The following TRPV3 variants were observed in gnomAD, a reference collection of about 807,000 sequenced individuals.
TRPV3 encodes transient receptor potential cation channel subfamily V member 3.
Under a neutral mutation model 87.1 loss-of-function variants are expected in TRPV3, and 88 were observed. The observed-to-expected ratio is 1.01, with a 90% confidence interval of 0.85 to 1.21. The LOEUF (loss-of-function observed/expected upper bound fraction) is 1.21. Ranked by LOEUF, TRPV3 falls within the 50% of genes most tolerant of loss-of-function variation. The probability of loss-of-function intolerance (pLI) is 0.00; values close to 1 mark genes in which losing one functional copy is unlikely to be tolerated. For missense variants in TRPV3, 1,054 were observed against 1,030.1 expected (o/e 1.02, Z -0.32); for synonymous variants, 438 against 423.3 (o/e 1.03, Z -0.43).
rs144341370 is a variant in TRPV3, at chr17:3,548,198, A to T, written c.120-2927T>A. Among the ~76,000 whole-genome samples the T allele has an allele frequency of 6.6e-5, 10 of 152,222 alleles. No individual in the cohort carries two copies. The East Asian group carries it at 1.4e-3, about 21-fold the overall frequency. Reference sequence around the variant, plus strand: ...GGACCAACATGCCCCTTCCTTCCTCACAAGACTACAGAAGAGCTCCCAAAG... The same window carrying T: ...GGACCAACATGCCCCTTCCTTCCTCTCAAGACTACAGAAGAGCTCCCAAAG... On this transcript the variant is annotated intron_variant, in intron 2 of 17. Coordinates refer to ENST00000576742, the MANE Select transcript of TRPV3 (RefSeq NM_145068.4).
intron 2 of TRPV3, among the ~76,000 whole-genome samples, 175 bp from the exon 3 acceptor site, chr17:3,545,446 T>C (rs1433510877): frequency 6.6e-6 from 1 of 152,156 alleles, no homozygotes; most frequent in Non-Finnish European, 1.5e-5. Context: ...ACACTGTCAT[T>C]ATCACCTACG....
At position 3,554,743 on chromosome 17, in the gene TRPV3, G is replaced by A. The variant is rs1181038658; in HGVS notation, c.108C>T (p.Pro36=). The change falls in exon 2 of 18, where the codon CCC becomes CCT. Residue 36 remains proline, a synonymous_variant. Coordinates refer to ENST00000576742, the MANE Select transcript of TRPV3 (RefSeq NM_145068.4). The part of the protein sequence containing the change: ...LPEKRPAEIT[P]TKKSAHFFLE... Reference sequence around the variant, plus strand: ...CTCTCCAAACCCACCTCTTCTTTGTGGGGGTGATCTCCGCCGGCCTCTTCT... The same window carrying A: ...CTCTCCAAACCCACCTCTTCTTTGTAGGGGTGATCTCCGCCGGCCTCTTCT... The A allele has an allele frequency of 2.5e-6, 4 of 1,609,608 alleles. No homozygotes were observed. The highest frequency in any genetic ancestry group is 1.3e-5 in the African/African-American group (1 of 74,842).
chr17:3,526,574 G>T (rs1167550264), intron 12 of TRPV3, among the ~76,000 whole-genome samples: 1 of 152,064 alleles, frequency 6.6e-6, no homozygotes, highest in Non-Finnish European at 1.5e-5. Flanking sequence ...TCTGTGATGG[G>T]TAGAGTTGGC....
intron 6 of TRPV3, among the ~76,000 whole-genome samples, chr17:3,537,523 G>A (rs187624557): frequency 2.7e-4 from 41 of 152,198 alleles, no homozygotes; most frequent in Non-Finnish European, 3.7e-4. Flanking sequence ...CCCCTACCTC[G>A]GAGATTTCTG....
Position 3,524,281 on chromosome 17 carries a change from C to T in TRPV3, c.1660G>A (p.Ala554Thr). The T allele has an allele frequency of 6.2e-7, 1 of 1,614,238 alleles. No individual in the cohort carries two copies. Among genetic ancestry groups the T allele is most frequent in the Non-Finnish European group, 8.5e-7 (1 of 1,180,032 alleles). The change falls in exon 13 of 18, where the codon GCC becomes ACC. Residue 554 changes from alanine to threonine, a missense_variant. By Grantham distance (58) the Ala-to-Thr change is moderately conservative (BLOSUM62 0). Coordinates refer to ENST00000576742, the MANE Select transcript of TRPV3 (RefSeq NM_145068.4). ...YKEYLACLVL[A>T]MALGWANMLY... ...ATGTTCGCCCAGCCCAGGGCCATGG[C>T]CAGCACGAGGCAGGCGAGGTACTCT...
rs1286865360 is a variant in TRPV3, at chr17:3,544,616, C to A, written c.274G>T (p.Asp92Tyr). ...GGATTGGATGGGGTCTCTGTCACAT[C>A]ATCCTGAGGAGACTGGGGGGAGTCC... is the stretch of plus-strand genomic sequence containing the variant. The part of the protein sequence containing the change: ...DMDSPQSPQD[D>Y]VTETPSNPNS... Residue 92 changes from aspartate (D) to tyrosine (Y), a missense_variant, in exon 4 of 18, where the codon GAT becomes TAT. Coordinates refer to ENST00000576742, the MANE Select transcript of TRPV3 (RefSeq NM_145068.4). The A allele has an allele frequency of 1.9e-6, 3 of 1,608,598 alleles. No homozygotes were observed. Among genetic ancestry groups the A allele is most frequent in the Non-Finnish European group, 2.5e-6 (3 of 1,178,776 alleles).
At chr17:3,519,889 A>ATGGATGG (rs2074229034) in intron 14 of TRPV3, among the ~76,000 whole-genome samples, 8 of 34,406 alleles carry the variant, frequency 2.3e-4, no homozygotes, top group East Asian at 1.5e-3. Context: ...TGGATGGATG[A>ATGGATGG]TTGGATGGAT....
Position 3,528,723 on chromosome 17 carries a change from C to G in TRPV3, c.1401+114G>C. 1.6e-6 allele frequency: 2 copies of G among 1,287,340 alleles called. No individual in the cohort carries two copies. The highest frequency in any genetic ancestry group is 2.1e-6 in the Non-Finnish European group (2 of 935,886). The allele number at this position is 1,287,340 out of a possible 1,614,324, so 79.7% of individuals were successfully genotyped here. On this transcript the variant is annotated intron_variant, in intron 10 of 17. Coordinates refer to ENST00000576742, the MANE Select transcript of TRPV3 (RefSeq NM_145068.4). This position sits in a 1 kb window ranked among gnomAD's most constrained non-coding sequence, Gnocchi z 4.2. ...GAAGCGTGAAGGACAACTGGGGGACCCCGCCCAATCTCCTGGTCTCTCTGG... is the reference window on the plus strand; with the variant it reads ...GAAGCGTGAAGGACAACTGGGGGACGCCGCCCAATCTCCTGGTCTCTCTGG...
Position 3,513,790 on chromosome 17 carries a change from G to T in TRPV3, c.*127C>A. 4.0e-6 allele frequency: 3 copies of T among 753,362 alleles called. No homozygotes were observed. The highest frequency in any genetic ancestry group is 2.5e-5 in the East Asian group (1 of 39,980). The allele number at this position is 753,362 out of a possible 1,614,324, so 46.7% of individuals were successfully genotyped here. ...GACACCCACTGAGCACTGAGCACGA[G>T]GGTGCACTCTGCTTCTAGGCCAGCA... On this transcript the variant is annotated 3_prime_UTR_variant, in exon 18 of 18. Coordinates refer to ENST00000576742, the MANE Select transcript of TRPV3 (RefSeq NM_145068.4).
At chr17:3,517,946 G>A (rs1211714466) in intron 15 of TRPV3, among the ~76,000 whole-genome samples, 1 of 151,616 alleles carries the variant, frequency 6.6e-6, no homozygotes, top group Non-Finnish European at 1.5e-5. Flanking sequence ...AGCCTCCCAA[G>A]TAGCTGGGAT....
At chr17:3,535,496 T>A in intron 7 of TRPV3, 77 bp downstream of exon 7, 2 of 1,114,576 alleles carry the variant, frequency 1.8e-6, no homozygotes, top group Non-Finnish European at 2.3e-6. Context: ...TCTTCCCTCC[T>A]TCCCCTTCCC....
intron 8 of TRPV3, among the ~76,000 whole-genome samples, chr17:3,531,241 C>A (rs2074346989): frequency 6.6e-6 from 1 of 152,140 alleles, no homozygotes; most frequent in African/African-American, 2.4e-5. Context: ...AAGCTGAGCC[C>A]TGGGTTACCC....
intron 14 of TRPV3, among the ~76,000 whole-genome samples, chr17:3,519,353 TGGATATGGAGGGATGG>T (rs1218108074): frequency 8.8e-4 from 132 of 150,616 alleles, no homozygotes; most frequent in South Asian, 2.1e-3. Flanking sequence ...GATGGATGGA[TGGATATGGAGGGATGG>T]ATGGAGGGAT....
rs1411580879 is a variant in TRPV3, at chr17:3,554,738, T to C, written c.113A>G (p.Lys38Arg). The change falls in exon 2 of 18, where the codon AAG becomes AGG. Residue 38 changes from lysine (K) to arginine (R), a missense_variant. By Grantham distance (26) the Lys-to-Arg change is conservative. Transcript: ENST00000576742. ...CCGAGCTCTCCAAACCCACCTCTTC[T>C]TTGTGGGGGTGATCTCCGCCGGCCT... The part of the protein sequence containing the change: ...EKRPAEITPT[K>R]KSAHFFLEIE... The C allele has an allele frequency of 1.9e-6, 3 of 1,607,690 alleles. No individual in the cohort carries two copies. Among genetic ancestry groups the C allele is most frequent in the Non-Finnish European group, 2.6e-6 (3 of 1,175,780 alleles).
Position 3,531,000 on chromosome 17 carries a change from G to A in TRPV3, c.1066-797C>T, listed in dbSNP as rs2074344518. Among the ~76,000 whole-genome samples, 1 of 151,564 alleles carries A rather than the reference G, an allele frequency of 6.6e-6. No individual in the cohort carries two copies. The highest frequency in any genetic ancestry group is 6.6e-5 in the Admixed American group (1 of 15,198). Reference sequence around the variant, plus strand: ...GAACCTGGGAGGTGGAGGTTGCCGTGAGCCATGATTGCGCCACTGCACTCC... The same window carrying A: ...GAACCTGGGAGGTGGAGGTTGCCGTAAGCCATGATTGCGCCACTGCACTCC... On this transcript the variant is annotated intron_variant, in intron 8 of 17. Coordinates refer to ENST00000576742, the MANE Select transcript of TRPV3 (RefSeq NM_145068.4). The surrounding 1 kb of genome is among the most constrained non-coding windows in gnomAD (Gnocchi z 4.0).
At chr17:3,546,408 C>T (rs539365724) in intron 2 of TRPV3, among the ~76,000 whole-genome samples, 2 of 151,258 alleles carry the variant, frequency 1.3e-5, no homozygotes, top group East Asian at 3.9e-4. Flanking sequence ...TGCCACTGCA[C>T]TCCAGTCTGG....
chr17:3,526,582 G>C (rs993150302), intron 12 of TRPV3, among the ~76,000 whole-genome samples: 1 of 152,004 alleles, frequency 6.6e-6, no homozygotes, highest in African/African-American at 2.4e-5. Flanking sequence ...GGGTAGAGTT[G>C]GCCATCACCA....
intron 15 of TRPV3, among the ~76,000 whole-genome samples, 162 bp from the exon 16 acceptor site, chr17:3,516,731 G>A (rs765322536): frequency 4.6e-5 from 7 of 152,226 alleles, no homozygotes; most frequent in Non-Finnish European, 2.9e-5. Flanking sequence ...AAAGCAGGCC[G>A]GGCACGGTGG....
At position 3,518,936 on chromosome 17, in the gene TRPV3, C is replaced by A; in HGVS notation, c.1811-86G>T. 7.2e-7 allele frequency: 1 copy of A among 1,383,616 alleles called. No homozygotes were observed. The highest frequency in any genetic ancestry group is 9.8e-7 in the Non-Finnish European group (1 of 1,022,310). The allele number at this position is 1,383,616 out of a possible 1,614,324, so 85.7% of individuals were successfully genotyped here. On this transcript the variant is annotated intron_variant, in intron 14 of 17. Transcript: ENST00000576742. The surrounding 1 kb of genome is among the most constrained non-coding windows in gnomAD (Gnocchi z 4.3). ...TGCGTGTATTTGCCTACATGACAAGCCTGCTGCCTCCTTCTCTCTGGCCAT... is the reference window on the plus strand; with the variant it reads ...TGCGTGTATTTGCCTACATGACAAGACTGCTGCCTCCTTCTCTCTGGCCAT...
Sources: allele counts gnomAD v4.1 joint callset (sites outside exome capture counted in the v4.1 genomes callset), GRCh38; gene constraint gnomAD v4.1.1; non-coding constraint Gnocchi (gnomAD v3.1); transcripts MANE v1.5; gene names NCBI Gene and HGNC (gene_info 2026-07-23, HGNC 2026-07-21).